TNRC6C: variants seen among roughly 807,000 people sequenced by gnomAD.
TNRC6C encodes trinucleotide repeat-containing gene 6C protein.
Under a neutral mutation model 153.7 loss-of-function variants are expected in TNRC6C, and 20 were observed. The observed-to-expected ratio is 0.13, with a 90% CI of 0.09 to 0.19. TNRC6C has a LOEUF of 0.19. Among genes scored for constraint, TNRC6C ranks in the 10% least tolerant of loss-of-function variants. The pLI is 1.00. For missense variants in TNRC6C, 1,987 were observed against 2,172.0 expected (o/e 0.91, Z 1.69); for synonymous variants, 811 against 841.4 (o/e 0.96, Z 0.63).
chr17:78,078,388 A>T (rs2073120876), intron 9 of TNRC6C, among the ~76,000 whole-genome samples: 1 of 152,180 alleles, frequency 6.6e-6, no homozygotes, highest in South Asian at 2.1e-4. Context: ...CTACAGCTAC[A>T]ATATCTTTAT....
At chr17:77,993,330 T>C (rs2071281035) in intron 1 of TNRC6C, among the ~76,000 whole-genome samples, 1 of 152,242 alleles carries the variant, frequency 6.6e-6, no homozygotes, top group Admixed American at 6.5e-5. Context: ...ACATTGACTT[T>C]ATGAGAGTAA....
chr17:78,093,252 T>G, intron 15 of TNRC6C, 128 bp downstream of exon 17: 1 of 1,090,926 alleles, frequency 9.2e-7, no homozygotes, highest in Non-Finnish European at 1.3e-6. Flanking sequence ...CCCAGAGCTT[T>G]GGCATTTTCC....
rs376822136 is a variant in TNRC6C at position 78,065,136 on chromosome 17, C to T, written c.2611+199C>T. On this transcript the variant is annotated intron_variant, in intron 4 of 19. Coordinates refer to ENST00000301624, the Ensembl canonical transcript of TNRC6C. ...GTCCAGGGCAGGAGGATCGCTTGAG[C>T]GCAGGAGTTTGAGACCAGCCTAGGC... Among the ~76,000 whole-genome samples the T allele has an allele frequency of 4.6e-5, 7 of 152,066 alleles. No individual in the cohort carries two copies. The South Asian group carries it at 1.0e-3, about 23-fold the overall frequency.
At chr17:78,108,051 G>A (rs986698096) in exon 20 of TNRC6C, 4 of 152,216 alleles carry the variant, frequency 2.6e-5, no homozygotes, top group African/African-American at 9.6e-5. Context: ...GTGGCCTTCA[G>A]GGTGACCAGT....
chr17:77,988,379 A>T (rs1055441971), intron 1 of TNRC6C, among the ~76,000 whole-genome samples: 8 of 151,828 alleles, frequency 5.3e-5, no homozygotes, highest in African/African-American at 1.9e-4. Context: ...CTCTTTATAC[A>T]CACACACACA....
exon 15 of TNRC6C, chr17:78,093,082 A>G (rs2073421742): frequency 6.2e-7 from 1 of 1,613,504 alleles, no homozygotes; most frequent in Middle Eastern, 1.8e-4. Flanking sequence ...CAAATCTGAC[A>G]GTGATAAAAT....
At position 78,067,948 on chromosome 17, in the gene TNRC6C, G is replaced by T. The variant is rs548925449; in HGVS notation, c.2778+25G>T. Reference sequence around the variant, plus strand: ...GGTAAGTACAACACTCTTAACGACGGTACACCCTGAAAACCAAAGGTACTT... The same window carrying T: ...GGTAAGTACAACACTCTTAACGACGTTACACCCTGAAAACCAAAGGTACTT... On this transcript the variant is annotated intron_variant, in intron 5 of 19. Transcript: ENST00000301624. 7.6e-6 allele frequency: 12 copies of T among 1,577,010 alleles called. No individual in the cohort carries two copies. In the South Asian group the frequency reaches 1.4e-4, roughly 19 times the overall value.
At chr17:77,993,560 C>G (rs1387946191) in intron 1 of TNRC6C, among the ~76,000 whole-genome samples, 42 of 152,080 alleles carry the variant, frequency 2.8e-4, no homozygotes, top group Admixed American at 2.7e-3. Flanking sequence ...TCAGTTTGCT[C>G]CAGTAATCAG....
intron 2 of TNRC6C, among the ~76,000 whole-genome samples, chr17:78,032,769 C>A (rs1042809526): frequency 6.6e-6 from 1 of 152,178 alleles, no homozygotes; most frequent in Non-Finnish European, 1.5e-5. Flanking sequence ...ATAATTCTAG[C>A]ATGACGTAGA....
chr17:78,024,075 C>G (rs989295786), intron 1 of TNRC6C, among the ~76,000 whole-genome samples: 2 of 151,602 alleles, frequency 1.3e-5, no homozygotes, highest in African/African-American at 2.4e-5. Flanking sequence ...GCCTGAGCAT[C>G]AAGAGCAAAA....
chr17:77,971,396 G>C (rs1488241765), intron 1 of TNRC6C, among the ~76,000 whole-genome samples: 1 of 151,902 alleles, frequency 6.6e-6, no homozygotes, highest in Non-Finnish European at 1.5e-5. Context: ...TCATTCCTTT[G>C]GTCATCTCAT....
intron 3 of TNRC6C, among the ~76,000 whole-genome samples, chr17:78,052,091 T>A (rs1275468246): frequency 6.6e-6 from 1 of 152,196 alleles, no homozygotes; most frequent in Non-Finnish European, 1.5e-5. Context: ...ACAAGGGCAC[T>A]TCATCCATCT....
At chr17:78,007,165 C>T (rs868290110) in intron 1 of TNRC6C, among the ~76,000 whole-genome samples, 8 of 152,092 alleles carry the variant, frequency 5.3e-5, no homozygotes, top group Non-Finnish European at 1.0e-4. Flanking sequence ...ATTTTCATTG[C>T]TAACTCCAAA....
rs1316461417 is a variant in TNRC6C at position 78,049,479 on chromosome 17, C to A, written c.417C>A (p.Asn139Lys). Residue 139 changes from asparagine (N) to lysine (K), a missense_variant, in exon 3 of 20, where the codon AAC becomes AAA. Coordinates refer to ENST00000301624, the Ensembl canonical transcript of TNRC6C. This position sits in a 1 kb window ranked among gnomAD's most constrained non-coding sequence, Gnocchi z 4.1. ...GTGCCATAGGTCAAAATATGGGCAA[C>A]CAGAACGGGAACCCAACAGGCACTT... 1 of 1,614,014 alleles carries A rather than the reference C, an allele frequency of 6.2e-7. No homozygotes were observed. The highest frequency in any genetic ancestry group is 8.5e-7 in the Non-Finnish European group (1 of 1,179,892).
At chr17:77,972,584 C>T (rs1337384330) in intron 1 of TNRC6C, among the ~76,000 whole-genome samples, 1 of 150,204 alleles carries the variant, frequency 6.7e-6, no homozygotes, top group Non-Finnish European at 1.5e-5. Context: ...GTACCATAAA[C>T]AACTTTATAC....
At chr17:77,974,153 A>G (rs1170181098) in intron 1 of TNRC6C, among the ~76,000 whole-genome samples, 1 of 152,176 alleles carries the variant, frequency 6.6e-6, no homozygotes, top group Non-Finnish European at 1.5e-5. Context: ...TTTGCAAATC[A>G]TAAAGCTAGT....
upstream of TNRC6C, among the ~76,000 whole-genome samples, chr17:77,958,430 C>A (rs2070828501): frequency 6.6e-5 from 10 of 151,790 alleles, no homozygotes; most frequent in Admixed American, 3.3e-4. Flanking sequence ...CCCCGGCGCG[C>A]TCCCCGCGCG....
At chr17:77,998,792 A>G (rs1168382288) in intron 1 of TNRC6C, among the ~76,000 whole-genome samples, 2 of 152,224 alleles carry the variant, frequency 1.3e-5, no homozygotes, top group African/African-American at 2.4e-5. Context: ...TCGCCCTGAC[A>G]GTTGGCCACA....
At chr17:78,098,523 G>A (rs1486004650) in exon 17 of TNRC6C, 2 of 1,612,860 alleles carry the variant, frequency 1.2e-6, no homozygotes, top group Non-Finnish European at 8.5e-7. Flanking sequence ...GGCTGGACCA[G>A]CTCCTACTCC....
Sources: allele counts gnomAD v4.1 joint callset (sites outside exome capture counted in the v4.1 genomes callset), GRCh38; gene constraint gnomAD v4.1.1; non-coding constraint Gnocchi (gnomAD v3.1); transcripts MANE v1.5; gene names NCBI Gene and HGNC (gene_info 2026-07-23, HGNC 2026-07-21).